Variants in USP6 observed in about 807,000 individuals in gnomAD.
The protein encoded by USP6 is ubiquitin specific peptidase 6.
USP6 carries 128 observed loss-of-function variants against 175.7 expected under a neutral mutation model. The ratio of observed to expected loss-of-function variants is 0.73; its 90% CI spans 0.63 to 0.84. The LOEUF is 0.84. USP6 is among the 40% of genes least tolerant of loss of function. The pLI, the probability that USP6 is intolerant of heterozygous loss-of-function variation, is 0.00. For missense variants in USP6, 1,498 were observed against 1,760.3 expected (o/e 0.85, Z 2.67); for synonymous variants, 562 against 630.6 (o/e 0.89, Z 1.63).
In USP6 at chr17:5,168,903, C is replaced by G. The variant is rs781083289; in HGVS notation, c.3365C>G (p.Pro1122Arg). Reference protein sequence around the residue: ...PRDPALCQHKPLTPQGDELSK... With the variant: ...PRDPALCQHKRLTPQGDELSK... ...GACCCGGCCCTCTGCCAGCATAAAC[C>G]ACTCACACCCCAGGGGGATGAGCTC... The change falls in exon 35 of 38, where the codon CCA becomes CGA. Residue 1122 changes from proline (P) to arginine (R), a missense_variant. Transcript: ENST00000574788. 2.5e-6 allele frequency: 4 copies of G among 1,613,936 alleles called. No homozygotes were observed. The South Asian group carries it at 4.4e-5, about 18-fold the overall frequency.
chr17:5,141,357 A>G (rs2143950365), intron 22 of USP6, 68 bp from the exon 23 acceptor site: 1 of 1,435,016 alleles, frequency 7.0e-7, no homozygotes, highest in Non-Finnish European at 9.5e-7. Context: ...AAAAAAAAAA[A>G]CAGAAGCAAT....
At chr17:5,163,129 A>G (rs2144130146) in intron 33 of USP6, 125 bp downstream of exon 33, 6 of 1,357,968 alleles carry the variant, frequency 4.4e-6, no homozygotes, top group Non-Finnish European at 5.9e-6. Flanking sequence ...GGCATCCTCT[A>G]TGGCACCTAA....
chr17:5,146,993 T>G (rs1163286923), intron 28 of USP6, 90 bp from the exon 29 acceptor site: 1 of 1,315,894 alleles, frequency 7.6e-7, no homozygotes. Flanking sequence ...TGAAAGGACC[T>G]AAGACATTCT....
Position 5,146,113 on chromosome 17 carries a change from A to G in USP6, c.2258A>G (p.Asp753Gly), listed in dbSNP as rs1169026988. 1.9e-6 allele frequency: 3 copies of G among 1,613,260 alleles called. No individual in the cohort carries two copies. The South Asian group carries it at 3.3e-5, about 18-fold the overall frequency. Residue 753 changes from aspartate (D) to glycine (G), a missense_variant, in exon 28 of 38, where the codon GAT (aspartate) becomes GGT (glycine). This residue lies in a region of USP6 where 1,217 missense variants were observed against 1,500.8 expected (regional missense o/e 0.81). Coordinates refer to ENST00000574788, the MANE Select transcript of USP6 (RefSeq NM_001304284.2). ...ACAGGTTTAAAAAAACAGCTGAGGG[A>G]TCTCTGTGGACTTAATTCAGAACAA... ...KYTGLKKQLRDLCGLNSEQIL... is the reference protein window; with the variant it reads ...KYTGLKKQLRGLCGLNSEQIL...
rs2144128417 is a variant in USP6 at position 5,162,939 on chromosome 17, G to A, written c.2971G>A (p.Ala991Thr). The A allele has an allele frequency of 6.2e-7, 1 of 1,607,482 alleles. No homozygotes were observed. The highest frequency in any genetic ancestry group is 1.3e-5 in the African/African-American group (1 of 74,638). ...GGAAGACAGAGCTTTCATTGGAAAT[G>A]CCTATATTGCTGTGGATTGGCACCC... The part of the protein sequence containing the change: ...CGEDRAFIGN[A>T]YIAVDWHPTA... Residue 991 changes from alanine to threonine, a missense_variant, in exon 33 of 38, where the codon GCC becomes ACC. By Grantham distance (58) the Ala-to-Thr change is moderately conservative (BLOSUM62 0). This residue lies in a region of USP6 where 1,217 missense variants were observed against 1,500.8 expected (regional missense o/e 0.81). Transcript: ENST00000574788.
intron 7 of USP6, chr17:5,128,642 CAT>C (rs1013542998): frequency 6.6e-6 from 1 of 152,528 alleles, no homozygotes; most frequent in African/African-American, 2.4e-5. Flanking sequence ...TCCACATACA[CAT>C]GTGCACGCAT....
chr17:5,132,116 G>A lies in USP6; in HGVS notation c.156-280G>A, dbSNP rs1438440055. 1 of 1,216,120 alleles carries A rather than the reference G, an allele frequency of 8.2e-7. No homozygotes were observed. The allele number at this position is 1,216,120 out of a possible 1,614,324, so 75.3% of individuals were successfully genotyped here. A position where few individuals can be genotyped will look rare whatever the true frequency, so the allele number is the denominator to read the frequency against. On this transcript the variant is annotated intron_variant, in intron 11 of 37. Transcript: ENST00000574788. This position sits in a 1 kb window ranked among gnomAD's most constrained non-coding sequence, Gnocchi z 4.7. The stretch of plus-strand genomic sequence containing the variant: ...GCTCCAGCAGAAAGCACCACCTCAA[G>A]TCCAGGATGGGCAGCCCCACTGTGG...
At chr17:5,167,825 A>G in intron 33 of USP6, 107 bp from the exon 34 acceptor site, 1 of 1,359,396 alleles carries the variant, frequency 7.4e-7, no homozygotes, top group Non-Finnish European at 1.0e-6. Flanking sequence ...CTTTTTCCTT[A>G]TAAAGAGTAA....
intron 5 of USP6, 97 bp from the exon 6 acceptor site, chr17:5,125,712 ACACACACACACT>A (rs2072874571): frequency 6.6e-6 from 1 of 151,570 alleles, no homozygotes; most frequent in South Asian, 2.1e-4. Flanking sequence ...ACACACACAC[ACACACACACACT>A]GTGTTTCATG....
rs530400511 is a variant in USP6, at chr17:5,139,507, G to A, written c.1331G>A (p.Gly444Asp). The change falls in exon 22 of 38, where the codon GGT becomes GAT. Residue 444 changes from glycine to aspartate, a missense_variant. By Grantham distance (94) the Gly-to-Asp change is moderately conservative. This residue lies in a region of USP6 where 1,217 missense variants were observed against 1,500.8 expected (regional missense o/e 0.81). Coordinates refer to ENST00000574788, the MANE Select transcript of USP6 (RefSeq NM_001304284.2). ...GCCCTGGCTCAGGGAGGACCTCAGG[G>A]TTCCTGGAGATTCCTGGAGTGGAAG... is the stretch of plus-strand genomic sequence containing the variant. ...SLALAQGGPQ[G>D]SWRFLEWKSM... The A allele has an allele frequency of 2.7e-5, 44 of 1,613,704 alleles. 1 individual carries two copies. The East Asian group carries it at 8.7e-4, about 32-fold the overall frequency.
intron 2 of USP6, among the ~76,000 whole-genome samples, chr17:5,119,083 T>C (rs1014680423): frequency 6.6e-6 from 1 of 152,152 alleles, no homozygotes; most frequent in Non-Finnish European, 1.5e-5. Flanking sequence ...CAACTTCATG[T>C]CCTGCCTCTA....
intron 28 of USP6, 119 bp from the exon 29 acceptor site, chr17:5,146,964 A>C: frequency 9.7e-7 from 1 of 1,027,150 alleles, no homozygotes; most frequent in Non-Finnish European, 1.4e-6. Flanking sequence ...TTATTCAATC[A>C]TCTCGTTGGT....
chr17:5,133,754 C>G, intron 14 of USP6, 133 bp from the exon 15 acceptor site: 2 of 1,192,948 alleles, frequency 1.7e-6, no homozygotes, highest in Middle Eastern at 5.3e-4. Flanking sequence ...AGCCAAAAAG[C>G]AGCTTTCTGC....
chr17:5,136,594 C>T (rs1371521756), intron 17 of USP6, 46 bp from the exon 18 acceptor site: 3 of 1,603,898 alleles, frequency 1.9e-6, no homozygotes, highest in African/African-American at 1.3e-5. Context: ...TGGCTCCACA[C>T]CTTGGGGGAA....
At chr17:5,122,327 G>A (rs1226299890) in intron 4 of USP6, among the ~76,000 whole-genome samples, 1 of 152,174 alleles carries the variant, frequency 6.6e-6, no homozygotes, top group Non-Finnish European at 1.5e-5. Flanking sequence ...GACTGTGTGA[G>A]TGGTGACACC....
In USP6 at chr17:5,130,415, G is replaced by C. The variant is rs1293570687; in HGVS notation, c.48G>C (p.Lys16Asn). The C allele has an allele frequency of 6.2e-7, 1 of 1,614,160 alleles. No individual in the cohort carries two copies. Among genetic ancestry groups the C allele is most frequent in the Admixed American group, 1.7e-5 (1 of 60,026 alleles). ...NADSLQAQER[K>N]DILMKYDKGH... ...ATAGTTTGCAGGCACAGGAGCGGAA[G>C]GACATACTTATGAAGTATGACAAGG... Residue 16 changes from lysine to asparagine, a missense_variant, in exon 10 of 38, where the codon AAG (lysine) becomes AAC (asparagine). Around this residue, in one of 2 missense-constraint regions of USP6, gnomAD observed 281 missense variants for 259.6 expected, o/e 1.08. Transcript: ENST00000574788.
chr17:5,168,915 A>AG lies in USP6; in HGVS notation c.3382dup (p.Asp1128GlyfsTer2). ...TGCCAGCATAAACCACTCACACCCC[A>AG]GGGGGATGAGCTCTCCAAGCCCAGG... On this transcript the variant is annotated frameshift_variant, in exon 35 of 38. Coordinates refer to ENST00000574788, the MANE Select transcript of USP6 (RefSeq NM_001304284.2). LOFTEE classifies it high-confidence loss of function. The AG allele has an allele frequency of 6.2e-7, 1 of 1,613,962 alleles. No homozygotes were observed. The highest frequency in any genetic ancestry group is 8.5e-7 in the Non-Finnish European group (1 of 1,179,858).
intron 33 of USP6, among the ~76,000 whole-genome samples, chr17:5,167,114 A>T (rs2144153168): frequency 6.6e-6 from 1 of 152,252 alleles, no homozygotes; most frequent in South Asian, 2.1e-4. Context: ...AATGAGTTGT[A>T]CCCTGTGGTG....
At chr17:5,156,533 C>G (rs995987367) in intron 31 of USP6, among the ~76,000 whole-genome samples, 5 of 151,822 alleles carry the variant, frequency 3.3e-5, no homozygotes, top group African/African-American at 4.8e-5. Flanking sequence ...CTCAAATTCC[C>G]AACCTCAGGT....
Sources: gnomAD v4.1 joint callset for allele counts (sites outside exome capture counted in the v4.1 genomes callset) on GRCh38, gnomAD v4.1.1 for gene constraint, gnomAD v4.1.1 regional missense constraint, Gnocchi (gnomAD v3.1) non-coding constraint, MANE v1.5 for transcripts, NCBI Gene and HGNC (gene_info 2026-07-23, HGNC 2026-07-21) for gene names.